GPC5: variants seen among roughly 807,000 people sequenced by gnomAD.
The protein encoded by GPC5 is glypican-5.
In GPC5, 47 loss-of-function variants were observed where a neutral mutation model predicts 53.9. The ratio of observed to expected loss-of-function variants is 0.87; its 90% CI spans 0.69 to 1.11. The LOEUF is 1.11. Among genes scored for constraint, GPC5 ranks in the 50% most tolerant of loss-of-function variants. GPC5 has a pLI of 0.00. For missense variants in GPC5, 748 were observed against 713.1 expected (o/e 1.05, Z -0.56); for synonymous variants, 286 against 263.3 (o/e 1.09, Z -0.84).
chr13:91,903,904 G>A (rs1268069383), intron 5 of GPC5, among the ~76,000 whole-genome samples: 1 of 152,066 alleles, frequency 6.6e-6, no homozygotes, highest in East Asian at 1.9e-4. Flanking sequence ...TGGCCTGTAA[G>A]TAAATGATGT....
chr13:92,087,190 TC>T (rs745568047), intron 6 of GPC5, among the ~76,000 whole-genome samples: 3 of 152,234 alleles, frequency 2.0e-5, no homozygotes, highest in Non-Finnish European at 4.4e-5. Flanking sequence ...TGTGATGCTT[TC>T]TTTAATGCCC....
chr13:91,590,024 A>G (rs540005120), intron 2 of GPC5, among the ~76,000 whole-genome samples: 1 of 152,074 alleles, frequency 6.6e-6, no homozygotes, highest in Non-Finnish European at 1.5e-5. Context: ...AATGCTTTTG[A>G]ATTTCTAGAA....
At chr13:92,000,699 C>A (rs1330457855) in intron 6 of GPC5, among the ~76,000 whole-genome samples, 1 of 152,140 alleles carries the variant, frequency 6.6e-6, no homozygotes, top group African/African-American at 2.4e-5. Context: ...TAACTAAAGG[C>A]AGTCATTTAG....
intron 7 of GPC5, among the ~76,000 whole-genome samples, chr13:92,748,212 C>T (rs751569104): frequency 2.6e-5 from 4 of 151,452 alleles, no homozygotes; most frequent in South Asian, 2.1e-4. Context: ...TCAGTACTTA[C>T]GGTAGTTTGA....
In GPC5 at chr13:91,506,215, T is replaced by G. The variant is rs537473206; in HGVS notation, c.325+57293T>G. On this transcript the variant is annotated intron_variant, in intron 2 of 7. Coordinates refer to ENST00000377067, the MANE Select transcript of GPC5 (RefSeq NM_004466.6). ...CTATTTGCTCTTAGGAGTAAACTAC[T>G]TCTCTAAAGTTGAGTAATTATTAAT... Among the ~76,000 whole-genome samples, 14 of 152,256 alleles carry G rather than the reference T, an allele frequency of 9.2e-5. No homozygotes were observed. In the East Asian group the frequency reaches 2.7e-3, roughly 29 times the overall value.
intron 5 of GPC5, among the ~76,000 whole-genome samples, chr13:91,764,752 GTT>G (rs2037488417): frequency 6.6e-6 from 1 of 152,106 alleles, no homozygotes; most frequent in African/African-American, 2.4e-5. Flanking sequence ...TTCAAACAAT[GTT>G]TCTGACTCCC....
intron 2 of GPC5, among the ~76,000 whole-genome samples, chr13:91,571,182 T>G (rs1173160088): frequency 6.6e-6 from 1 of 152,214 alleles, no homozygotes; most frequent in Non-Finnish European, 1.5e-5. Context: ...CCAGAGTCAA[T>G]ATCAACTTTT....
intron 7 of GPC5, among the ~76,000 whole-genome samples, chr13:92,745,931 T>C (rs1431792393): frequency 6.6e-6 from 1 of 152,110 alleles, no homozygotes; most frequent in Non-Finnish European, 1.5e-5. Flanking sequence ...TTTTATGGAA[T>C]TGTATTATCG....
Position 92,623,174 on chromosome 13 carries a change from A to G in GPC5, c.1562-243108A>G, listed in dbSNP as rs529823957. ...GAGTGAGATTCTATCTCAAAAAAAA[A>G]AAAGAAAAGTGAAAAGTTATATGAA... On this transcript the variant is annotated intron_variant, in intron 7 of 7. Coordinates refer to ENST00000377067, the MANE Select transcript of GPC5 (RefSeq NM_004466.6). 7.2e-4 allele frequency among the ~76,000 whole-genome samples: 110 copies of G among 152,188 alleles called. 3 individuals are homozygous for G. In the South Asian group the frequency reaches 0.022, roughly 31 times the overall value.
chr13:91,546,673 G>A (rs1237646292), intron 2 of GPC5, among the ~76,000 whole-genome samples: 1 of 152,038 alleles, frequency 6.6e-6, no homozygotes, highest in East Asian at 1.9e-4. Flanking sequence ...TTTCTCTGGA[G>A]CAATTGGAAA....
At chr13:92,776,061 T>C (rs1875792715) in intron 7 of GPC5, among the ~76,000 whole-genome samples, 1 of 152,178 alleles carries the variant, frequency 6.6e-6, no homozygotes, top group Non-Finnish European at 1.5e-5. Context: ...ACAACACAGA[T>C]GTATTATCTG....
At chr13:92,317,638 C>T (rs752859555) in intron 7 of GPC5, among the ~76,000 whole-genome samples, 3 of 150,196 alleles carry the variant, frequency 2.0e-5, no homozygotes, top group Non-Finnish European at 4.4e-5. Context: ...GGCTTACAGG[C>T]ATGCACAATC....
intron 5 of GPC5, among the ~76,000 whole-genome samples, chr13:91,863,981 A>G (rs1358916095): frequency 6.6e-6 from 1 of 152,212 alleles, no homozygotes; most frequent in Non-Finnish European, 1.5e-5. Context: ...ATTGAGTATT[A>G]TTTACATGTG....
chr13:91,691,292 A>G (rs1299054781), intron 2 of GPC5, among the ~76,000 whole-genome samples: 1 of 152,226 alleles, frequency 6.6e-6, no homozygotes, highest in Non-Finnish European at 1.5e-5. Context: ...TGCTTGTTAA[A>G]TATAGATTCC....
chr13:92,319,742 C>G (rs74107196), intron 7 of GPC5, among the ~76,000 whole-genome samples: 1,736 of 152,222 alleles, frequency 0.011, 35 homozygotes, highest in African/African-American at 0.04. Flanking sequence ...TATTTTCATA[C>G]ATTTATGTAT....
At chr13:92,231,030 T>G (rs906859625) in intron 7 of GPC5, among the ~76,000 whole-genome samples, 1 of 152,100 alleles carries the variant, frequency 6.6e-6, no homozygotes, top group African/African-American at 2.4e-5. Flanking sequence ...TAGCCAAGGG[T>G]TGGGCTTTGC....
chr13:91,781,343 G>A (rs879929973), intron 5 of GPC5, among the ~76,000 whole-genome samples: 6 of 152,192 alleles, frequency 3.9e-5, no homozygotes, highest in Non-Finnish European at 5.9e-5. Context: ...ACGATAGTGC[G>A]TATGCTGTAC....
chr13:92,661,684 G>T (rs1486096035), intron 7 of GPC5, among the ~76,000 whole-genome samples: 3 of 152,154 alleles, frequency 2.0e-5, no homozygotes, highest in Non-Finnish European at 4.4e-5. Context: ...ATCTCTGGCT[G>T]ATTTCTTAGG....
At chr13:91,722,487 C>T (rs545000714) in intron 3 of GPC5, among the ~76,000 whole-genome samples, 6 of 152,234 alleles carry the variant, frequency 3.9e-5, no homozygotes, top group African/African-American at 1.2e-4. Flanking sequence ...AATGCAGAAG[C>T]GCCCTCTGGT....
Sources: allele counts gnomAD v4.1 joint callset (sites outside exome capture counted in the v4.1 genomes callset), GRCh38; gene constraint gnomAD v4.1.1; transcripts MANE v1.5; gene names NCBI Gene and HGNC (gene_info 2026-07-23, HGNC 2026-07-21).